The following MCU variants were observed in gnomAD, a reference collection of about 807,000 sequenced individuals.
MCU encodes the protein calcium uniporter protein, mitochondrial.
In MCU, 12 loss-of-function variants were observed where a neutral mutation model predicts 45.2. The observed-to-expected ratio is 0.27, with a 90% confidence interval of 0.17 to 0.43. The LOEUF (loss-of-function observed/expected upper bound fraction) is 0.43. MCU is among the 20% of genes least tolerant of loss of function. The pLI is 1.00. For synonymous variants in MCU, 160 were observed against 165.1 expected (o/e 0.97, Z 0.24); for missense variants, 324 against 436.7 (o/e 0.74, Z 2.30).
chr10:72,805,886 A>G (rs142760175), intron 1 of MCU, among the ~76,000 whole-genome samples: 429 of 152,312 alleles, frequency 2.8e-3, no homozygotes, highest in Non-Finnish European at 4.4e-3. Flanking sequence ...AAACTTTAAG[A>G]GCATTTCATA....
chr10:72,753,599 G>T lies in MCU; in HGVS notation c.150+61298G>T, dbSNP rs147936082. ...TACTGAAAACCACATAATGGGCCGG[G>T]CGTAATGGCTTATGCCTGTAGTCCC... On this transcript the variant is annotated intron_variant, in intron 1 of 7. Transcript: ENST00000373053. Among the ~76,000 whole-genome samples, 517 of 152,282 alleles carry T rather than the reference G, an allele frequency of 3.4e-3. 3 individuals carry two copies. Among genetic ancestry groups the T allele is most frequent in the African/African-American group, 0.011 (468 of 41,562 alleles).
At chr10:72,788,847 G>A (rs998226767) in intron 1 of MCU, among the ~76,000 whole-genome samples, 2 of 152,152 alleles carry the variant, frequency 1.3e-5, no homozygotes, top group Admixed American at 1.3e-4. Flanking sequence ...ATAGCAAACC[G>A]TATTTTAAAA....
chr10:72,885,331 TAAGTA>T (rs1201794754), intron 7 of MCU, among the ~76,000 whole-genome samples: 1 of 152,258 alleles, frequency 6.6e-6, no homozygotes, highest in Non-Finnish European at 1.5e-5. Context: ...ATTCACTGGC[TAAGTA>T]AAAACTTAAA....
chr10:72,803,018 C>T (rs565210483), intron 1 of MCU, among the ~76,000 whole-genome samples: 39 of 152,170 alleles, frequency 2.6e-4, no homozygotes, highest in Middle Eastern at 3.4e-3. Context: ...TGTATTTCAC[C>T]GAAAATAGAC....
intron 1 of MCU, among the ~76,000 whole-genome samples, chr10:72,725,726 A>G (rs1215866933): frequency 6.6e-6 from 1 of 152,152 alleles, no homozygotes; most frequent in Non-Finnish European, 1.5e-5. Context: ...CTCTACTAAA[A>G]TACAAAAATT....
At chr10:72,810,044 A>G (rs1046904790) in intron 1 of MCU, among the ~76,000 whole-genome samples, 7 of 151,850 alleles carry the variant, frequency 4.6e-5, no homozygotes, top group African/African-American at 1.7e-4. Context: ...GCGCGTGAAC[A>G]TATGTGTATG....
intron 1 of MCU, chr10:72,766,993 T>C (rs1428471859): frequency 1.3e-5 from 2 of 152,188 alleles, no homozygotes; most frequent in Non-Finnish European, 2.9e-5. Context: ...AGTAATAAGT[T>C]TGACAATTGT....
At chr10:72,881,908 A>G (rs762659761) in intron 6 of MCU, among the ~76,000 whole-genome samples, 2 of 152,152 alleles carry the variant, frequency 1.3e-5, no homozygotes, top group Admixed American at 6.5e-5. Context: ...CCCAAATGCT[A>G]TCAGCTGAGG....
At chr10:72,841,521 C>T (rs768582099) in intron 2 of MCU, among the ~76,000 whole-genome samples, 1 of 152,148 alleles carries the variant, frequency 6.6e-6, no homozygotes, top group Non-Finnish European at 1.5e-5. Context: ...TGTTCTCAAA[C>T]TCCTGACCTC....
chr10:72,729,952 C>CTTTTTT (rs58668483), intron 1 of MCU, among the ~76,000 whole-genome samples: 6 of 90,530 alleles, frequency 6.6e-5, no homozygotes, highest in African/African-American at 1.2e-4. Flanking sequence ...CTTCAGCATT[C>CTTTTTT]TTTTTTTTTT....
intron 1 of MCU, among the ~76,000 whole-genome samples, chr10:72,802,409 T>TAA (rs369833125): frequency 4.3e-4 from 58 of 136,396 alleles, no homozygotes; most frequent in East Asian, 3.8e-3. Flanking sequence ...GAGCTTTCTT[T>TAA]AAAAAAAAAA....
At chr10:72,693,323 T>C (rs1390666125) in intron 1 of MCU, among the ~76,000 whole-genome samples, 1 of 152,160 alleles carries the variant, frequency 6.6e-6, no homozygotes, top group African/African-American at 2.4e-5. Flanking sequence ...TAGACCTATA[T>C]GTGTTGGTCT....
chr10:72,856,694 G>T (rs1236229139), intron 2 of MCU, among the ~76,000 whole-genome samples: 1 of 150,980 alleles, frequency 6.6e-6, no homozygotes, highest in Non-Finnish European at 1.5e-5. Context: ...CAGCACTTTG[G>T]GTGGCCAAGG....
intron 1 of MCU, among the ~76,000 whole-genome samples, chr10:72,700,055 C>A (rs1214748924): frequency 7.6e-6 from 1 of 131,122 alleles, no homozygotes; most frequent in African/African-American, 2.7e-5. Context: ...GGATTGGGGT[C>A]AAATTTTTTT....
chr10:72,721,741 A>G (rs1843024910), intron 1 of MCU, among the ~76,000 whole-genome samples: 1 of 152,094 alleles, frequency 6.6e-6, no homozygotes, highest in Non-Finnish European at 1.5e-5. Context: ...TTTAATATAC[A>G]CTACAGTGTT....
At chr10:72,844,551 A>C (rs1845092509) in intron 2 of MCU, among the ~76,000 whole-genome samples, 1 of 152,178 alleles carries the variant, frequency 6.6e-6, no homozygotes, top group Non-Finnish European at 1.5e-5. Flanking sequence ...CCTGGGTGAC[A>C]AGAATGCGAC....
intron 1 of MCU, among the ~76,000 whole-genome samples, chr10:72,807,990 A>C (rs565750901): frequency 6.6e-6 from 1 of 152,312 alleles, no homozygotes; most frequent in African/African-American, 2.4e-5. Context: ...GAAATAGGAA[A>C]ATTTATAGCA....
At chr10:72,780,511 A>AGAGTGTGTGTGTGT (rs778332838) in intron 1 of MCU, among the ~76,000 whole-genome samples, 1 of 110,584 alleles carries the variant, frequency 9.0e-6, no homozygotes, top group African/African-American at 3.2e-5. Flanking sequence ...TCTTTGGCTA[A>AGAGTGTGTGTGTGT]GTGTGTGTGT....
In MCU at chr10:72,707,664, A is replaced by G. The variant is rs372112892; in HGVS notation, c.150+15363A>G. 1.7e-3 allele frequency among the ~76,000 whole-genome samples: 242 copies of G among 145,458 alleles called. 1 individual carries two copies. Among genetic ancestry groups the G allele is most frequent in the African/African-American group, 6.5e-3 (235 of 36,210 alleles). On this transcript the variant is annotated intron_variant, in intron 1 of 7. Coordinates refer to ENST00000373053, the MANE Select transcript of MCU (RefSeq NM_138357.3). The stretch of plus-strand genomic sequence containing the variant: ...GTGTGTGTGTTTCCCACCAAAACAA[A>G]AGTAATTGAAGAGAATTTGGTGCCA...
Sources: allele counts gnomAD v4.1 joint callset (sites outside exome capture counted in the v4.1 genomes callset), GRCh38; gene constraint gnomAD v4.1.1; transcripts MANE v1.5; gene names NCBI Gene and HGNC (gene_info 2026-07-23, HGNC 2026-07-21).